Variants in SLC1A2 observed in about 807,000 individuals in gnomAD.
SLC1A2 encodes the protein solute carrier family 1 member 2, also known as excitatory amino acid transporter 2.
Under a neutral mutation model 48.8 loss-of-function variants are expected in SLC1A2, and 15 were observed. The observed-to-expected ratio is 0.31, with a 90% CI of 0.21 to 0.47. The LOEUF (loss-of-function observed/expected upper bound fraction) is 0.47. Ranked by LOEUF, SLC1A2 falls within the 20% of genes least tolerant of loss-of-function variation. The pLI, the probability that SLC1A2 is intolerant of heterozygous loss-of-function variation, is 0.99. For synonymous variants in SLC1A2, 279 were observed against 272.6 expected (o/e 1.02, Z -0.23); for missense variants, 502 against 730.5 (o/e 0.69, Z 3.61).
At chr11:35,323,141 C>A in intron 1 of SLC1A2, 1 of 264,690 alleles carries the variant, frequency 3.8e-6, no homozygotes, top group South Asian at 4.6e-5. Context: ...CTTTCTGGTC[C>A]TGCTGGTGAG....
intron 6 of SLC1A2, among the ~76,000 whole-genome samples, chr11:35,293,010 C>A (rs1298949765): frequency 6.8e-6 from 1 of 147,250 alleles, no homozygotes; most frequent in Non-Finnish European, 1.5e-5. Flanking sequence ...AGAGAGAGAA[C>A]AAGGAAATCA....
intron 3 of SLC1A2, 24 bp downstream of exon 3, chr11:35,314,999 C>T (rs745885561): frequency 1.9e-6 from 3 of 1,590,692 alleles, no homozygotes; most frequent in Non-Finnish European, 2.6e-6. Flanking sequence ...CCATGTTAGC[C>T]AGGCACTAGT....
At chr11:35,293,266 A>G (rs547012681) in intron 6 of SLC1A2, among the ~76,000 whole-genome samples, 1 of 152,346 alleles carries the variant, frequency 6.6e-6, no homozygotes, top group South Asian at 2.1e-4. Flanking sequence ...GCCCAAGACC[A>G]GGAAACCAGG....
intron 1 of SLC1A2, among the ~76,000 whole-genome samples, chr11:35,333,110 T>C (rs909939261): frequency 2.0e-5 from 3 of 151,974 alleles, no homozygotes; most frequent in South Asian, 2.1e-4. Context: ...TCAAAAAACA[T>C]AACCTTTGGC....
intron 1 of SLC1A2, among the ~76,000 whole-genome samples, chr11:35,409,795 G>T (rs1232080868): frequency 1.3e-5 from 2 of 152,264 alleles, no homozygotes; most frequent in Admixed American, 1.3e-4. Context: ...TGTAAACCCA[G>T]CTACTCAAGA....
At chr11:35,347,268 C>A (rs1853071284) in intron 1 of SLC1A2, among the ~76,000 whole-genome samples, 1 of 152,320 alleles carries the variant, frequency 6.6e-6, no homozygotes, top group Non-Finnish European at 1.5e-5. Context: ...AGGGCTTCTG[C>A]AATAGCGGTG....
intron 6 of SLC1A2, among the ~76,000 whole-genome samples, chr11:35,293,874 T>A (rs867715571): frequency 1.3e-5 from 2 of 152,192 alleles, no homozygotes; most frequent in Non-Finnish European, 2.9e-5. Flanking sequence ...ACTTATTAGT[T>A]ATTAATATGT....
intron 3 of SLC1A2, among the ~76,000 whole-genome samples, chr11:35,312,985 T>C (rs1344666078): frequency 6.6e-6 from 1 of 152,228 alleles, no homozygotes; most frequent in Non-Finnish European, 1.5e-5. Flanking sequence ...AGTTTACAAA[T>C]GGTCTGTAAC....
At chr11:35,397,102 C>T (rs1394617318) in intron 1 of SLC1A2, among the ~76,000 whole-genome samples, 7 of 147,824 alleles carry the variant, frequency 4.7e-5, no homozygotes, top group Non-Finnish European at 7.5e-5. Context: ...GGCCATACTG[C>T]CCAAGGTAAT....
rs1032793633 is a variant in SLC1A2, at chr11:35,255,056, C to T, written c.*5838G>A. ...GTTTTTTGCACTAATGGAAAAAAGCCGGCCGAAAAACAAAACCCAATCCTT... is the reference window on the plus strand; with the variant it reads ...GTTTTTTGCACTAATGGAAAAAAGCTGGCCGAAAAACAAAACCCAATCCTT... On this transcript the variant is annotated 3_prime_UTR_variant, in exon 11 of 11. Transcript: ENST00000278379. 3.7e-5 allele frequency: 11 copies of T among 295,618 alleles called. No individual in the cohort carries two copies. Among genetic ancestry groups the T allele is most frequent in the African/African-American group, 1.3e-4 (6 of 44,776 alleles). The allele number at this position is 295,618 out of a possible 1,614,324, so 18.3% of individuals were successfully genotyped here.
chr11:35,323,476 G>T (rs1316985588), intron 1 of SLC1A2, among the ~76,000 whole-genome samples: 1 of 152,064 alleles, frequency 6.6e-6, no homozygotes, highest in Non-Finnish European at 1.5e-5. Flanking sequence ...TATTTTTTAG[G>T]TCCCATTCTC....
chr11:35,396,553 G>A (rs1386598479), intron 1 of SLC1A2, among the ~76,000 whole-genome samples: 3 of 150,826 alleles, frequency 2.0e-5, no homozygotes, highest in African/African-American at 7.3e-5. Flanking sequence ...ATTTGTTTGA[G>A]TTCATTGTAG....
intron 1 of SLC1A2, among the ~76,000 whole-genome samples, chr11:35,410,426 T>G (rs1855424141): frequency 6.6e-6 from 1 of 152,218 alleles, no homozygotes; most frequent in Non-Finnish European, 1.5e-5. Flanking sequence ...CAGCAAGGTA[T>G]AGCATTTTAT....
intron 1 of SLC1A2, among the ~76,000 whole-genome samples, chr11:35,346,487 G>A (rs946554369): frequency 5.3e-5 from 8 of 152,224 alleles, no homozygotes; most frequent in Admixed American, 5.2e-4. Flanking sequence ...GGGATTGAGG[G>A]GATACAGTGA....
intron 8 of SLC1A2, among the ~76,000 whole-genome samples, chr11:35,285,115 C>A (rs553562978): frequency 6.6e-6 from 1 of 152,168 alleles, no homozygotes; most frequent in African/African-American, 2.4e-5. Context: ...CCTTCTAATG[C>A]CCAATGGAAA....
chr11:35,332,479 T>C (rs911478754), intron 1 of SLC1A2, among the ~76,000 whole-genome samples: 1 of 152,272 alleles, frequency 6.6e-6, no homozygotes, highest in Non-Finnish European at 1.5e-5. Context: ...TGTTTTTATT[T>C]GAATCCTCTA....
Position 35,372,294 on chromosome 11 carries a change from G to A in SLC1A2, c.17+46656C>T, listed in dbSNP as rs192165524. Among the ~76,000 whole-genome samples, 7 of 152,242 alleles carry A rather than the reference G, an allele frequency of 4.6e-5. 1 individual carries two copies. The highest frequency in any genetic ancestry group is 1.7e-4 in the African/African-American group (7 of 41,530). ...TACAGAGCCTTCATCAACAAATCAC[G>A]CCACCCAGGTGATGGCTTCATTCTG... is the stretch of plus-strand genomic sequence containing the variant. On this transcript the variant is annotated intron_variant, in intron 1 of 10. Coordinates refer to ENST00000278379, the MANE Select transcript of SLC1A2 (RefSeq NM_004171.4).
intron 1 of SLC1A2, among the ~76,000 whole-genome samples, chr11:35,395,974 A>G (rs1033190184): frequency 2.7e-5 from 4 of 148,250 alleles, no homozygotes; most frequent in Admixed American, 1.3e-4. Context: ...ATGATTTCCA[A>G]TTTCATCCAT....
rs186260273 is a variant in SLC1A2 at position 35,325,061 on chromosome 11, C to T, written c.18-7545G>A. On this transcript the variant is annotated intron_variant, in intron 1 of 10. Transcript: ENST00000278379. Reference sequence around the variant, plus strand: ...CCCACCTCTGGTTCATGGAACAAGACGAAAATACATTTGATAACTTCACAC... The same window carrying T: ...CCCACCTCTGGTTCATGGAACAAGATGAAAATACATTTGATAACTTCACAC... 1.5e-3 allele frequency among the ~76,000 whole-genome samples: 232 copies of T among 152,302 alleles called. 2 individuals carry two copies. Among genetic ancestry groups the T allele is most frequent in the African/African-American group, 5.4e-3 (225 of 41,576 alleles).
Sources: allele counts gnomAD v4.1 joint callset (sites outside exome capture counted in the v4.1 genomes callset), GRCh38; gene constraint gnomAD v4.1.1; transcripts MANE v1.5; gene names NCBI Gene and HGNC (gene_info 2026-07-23, HGNC 2026-07-21).